ZNF573: variants seen among roughly 807,000 people sequenced by gnomAD.
ZNF573 encodes the protein zinc finger protein 573.
ZNF573 carries 41 observed loss-of-function variants against 57.4 expected under a neutral mutation model. The observed-to-expected ratio is 0.71, with a 90% CI of 0.56 to 0.93. The LOEUF is 0.93. Among genes scored for constraint, ZNF573 ranks in the 40% least tolerant of loss-of-function variants. The pLI is 0.00. For missense variants in ZNF573, 730 were observed against 794.8 expected (o/e 0.92, Z 0.98); for synonymous variants, 249 against 261.0 (o/e 0.95, Z 0.44).
chr19:37,768,236 T>C (rs2045619740), intron 4 of ZNF573, among the ~76,000 whole-genome samples: 1 of 152,184 alleles, frequency 6.6e-6, no homozygotes, highest in Non-Finnish European at 1.5e-5. Flanking sequence ...TTGAAAACAA[T>C]TACATCATTG....
chr19:37,763,119 GATCT>G (rs2045568239), intron 4 of ZNF573, among the ~76,000 whole-genome samples: 1 of 152,020 alleles, frequency 6.6e-6, no homozygotes, highest in African/African-American at 2.4e-5. Flanking sequence ...CTGCCGTGTG[GATCT>G]CATTTCCTAG....
At chr19:37,743,762 G>A (rs899213908) in intron 4 of ZNF573, among the ~76,000 whole-genome samples, 2 of 152,160 alleles carry the variant, frequency 1.3e-5, no homozygotes, top group African/African-American at 4.8e-5. Flanking sequence ...TGATAGACTG[G>A]ATAAAGAAAA....
At chr19:37,759,719 C>A (rs1380297502) in intron 4 of ZNF573, among the ~76,000 whole-genome samples, 1 of 151,880 alleles carries the variant, frequency 6.6e-6, no homozygotes, top group Admixed American at 6.6e-5. Flanking sequence ...CACAGCGAGA[C>A]TCTGTCTCAA....
intron 4 of ZNF573, among the ~76,000 whole-genome samples, chr19:37,755,939 A>C (rs2145301888): frequency 6.6e-6 from 1 of 152,318 alleles, no homozygotes; most frequent in African/African-American, 2.4e-5. Context: ...ACTTTTATAA[A>C]CCTTGTAAGA....
chr19:37,764,889 CACTGTGCCCG>C (rs1169038429), intron 4 of ZNF573, among the ~76,000 whole-genome samples: 2 of 150,688 alleles, frequency 1.3e-5, no homozygotes, highest in Non-Finnish European at 2.9e-5. Flanking sequence ...AGGCATGAGC[CACTGTGCCCG>C]GCCTTTTTTT....
intron 4 of ZNF573, among the ~76,000 whole-genome samples, chr19:37,750,168 C>T (rs1349708086): frequency 4.0e-5 from 6 of 151,898 alleles, no homozygotes; most frequent in African/African-American, 7.2e-5. Flanking sequence ...CCACAACCTC[C>T]GCCTCCTGGG....
chr19:37,748,181 G>T (rs752925473), intron 4 of ZNF573, among the ~76,000 whole-genome samples: 1 of 152,188 alleles, frequency 6.6e-6, no homozygotes, highest in Non-Finnish European at 1.5e-5. Flanking sequence ...CCCCTAACTG[G>T]ATGCATCTTG....
At chr19:37,750,783 A>G (rs1177369459) in intron 4 of ZNF573, among the ~76,000 whole-genome samples, 2 of 149,664 alleles carry the variant, frequency 1.3e-5, no homozygotes, top group Non-Finnish European at 3.0e-5. Flanking sequence ...GTGAGCCGAG[A>G]TCACACTACT....
intron 2 of ZNF573, 86 bp downstream of exon 2, chr19:37,773,575 T>G: frequency 9.4e-7 from 1 of 1,063,684 alleles, no homozygotes; most frequent in South Asian, 1.5e-5. Context: ...AAGGAGGCCT[T>G]CTTAAATAGG....
chr19:37,770,599 TACA>T (rs1449297254), intron 3 of ZNF573: 1 of 45,900 alleles, frequency 2.2e-5, no homozygotes, highest in Non-Finnish European at 3.8e-5. Context: ...ACCTCATCTC[TACA>T]AAAAAAAAAA....
At chr19:37,757,545 G>A (rs939694981) in intron 4 of ZNF573, among the ~76,000 whole-genome samples, 3 of 152,042 alleles carry the variant, frequency 2.0e-5, no homozygotes, top group Non-Finnish European at 2.9e-5. Context: ...CAATTAGTTC[G>A]CTCTGTTTTG....
At position 37,739,440 on chromosome 19, in the gene ZNF573, T is replaced by C; in HGVS notation, c.1050A>G (p.Arg350=). 2 of 1,614,120 alleles carry C rather than the reference T, an allele frequency of 1.2e-6. No homozygotes were observed. Among genetic ancestry groups the C allele is most frequent in the Non-Finnish European group, 1.7e-6 (2 of 1,180,014 alleles). The change falls in exon 5 of 5, where the codon AGA becomes AGG. Residue 350 remains arginine (R), a synonymous_variant. Transcript: ENST00000536220. The stretch of plus-strand genomic sequence containing the variant: ...CATAGGGTTTTCCACCTTTATGAAT[T>C]CTCTGATGTAGAAGAAAGTATGAGG... The part of the protein sequence containing the change: ...TTASYFLLHQ[R]IHKGGKPYEC...
chr19:37,749,592 C>T (rs2045414512), intron 4 of ZNF573, among the ~76,000 whole-genome samples: 1 of 151,786 alleles, frequency 6.6e-6, no homozygotes, highest in African/African-American at 2.4e-5. Context: ...CTGGAAAATG[C>T]AACAAATAAA....
intron 4 of ZNF573, among the ~76,000 whole-genome samples, chr19:37,762,356 T>C (rs1291838776): frequency 6.6e-6 from 1 of 152,178 alleles, no homozygotes; most frequent in African/African-American, 2.4e-5. Context: ...ACTGGGATAA[T>C]TGGGAGAAAT....
Position 37,771,582 on chromosome 19 carries a change from T to C in ZNF573, c.184A>G (p.Arg62Gly), listed in dbSNP as rs2045659376. Residue 62 changes from arginine (R) to glycine (G), a missense_variant, in exon 3 of 5, where the codon AGA becomes GGA. Coordinates refer to ENST00000536220, the MANE Select transcript of ZNF573 (RefSeq NM_001172690.2). ...LYRDVMLENYRNLVSLGGHSI... is the reference protein window; with the variant it reads ...LYRDVMLENYGNLVSLGGHSI... Reference sequence around the variant, plus strand: ...AACTTACCCAGTGATACCAGGTTTCTATAGTTCTCCAACATCACATCCCTG... The same window carrying C: ...AACTTACCCAGTGATACCAGGTTTCCATAGTTCTCCAACATCACATCCCTG... 1 of 1,609,972 alleles carries C rather than the reference T, an allele frequency of 6.2e-7. No individual in the cohort carries two copies. Among genetic ancestry groups the C allele is most frequent in the Non-Finnish European group, 8.5e-7 (1 of 1,178,326 alleles).
At chr19:37,761,313 T>C (rs2045551012) in intron 4 of ZNF573, among the ~76,000 whole-genome samples, 1 of 152,214 alleles carries the variant, frequency 6.6e-6, no homozygotes, top group Non-Finnish European at 1.5e-5. Context: ...ATTGTTTTCC[T>C]GGGACTCACA....
chr19:37,765,220 G>T (rs1279713952), intron 4 of ZNF573, among the ~76,000 whole-genome samples: 1 of 151,992 alleles, frequency 6.6e-6, no homozygotes. Context: ...TCTTTAACTG[G>T]TAAAAAGCCT....
chr19:37,740,525 C>G (rs753378698), intron 4 of ZNF573: 5 of 461,162 alleles, frequency 1.1e-5, no homozygotes, highest in Middle Eastern at 3.2e-4. Flanking sequence ...TATTTTGAAC[C>G]TATCACTGAT....
chr19:37,770,105 G>A lies in ZNF573; in HGVS notation c.203-8C>T. 6.5e-7 allele frequency: 1 copy of A among 1,533,332 alleles called. No individual in the cohort carries two copies. Among genetic ancestry groups the A allele is most frequent in the East Asian group, 2.5e-5 (1 of 40,598 alleles). The allele number at this position is 1,533,332 out of a possible 1,614,324, so 95.0% of individuals were successfully genotyped here. ...TAGAAATGGAATGTCCTCCTTATAA[G>A]AAAAGAAATGCCACATGGTATAAAA... On this transcript the variant is annotated splice_polypyrimidine_tract_variant and splice_region_variant and intron_variant, in intron 3 of 4. Coordinates refer to ENST00000536220, the MANE Select transcript of ZNF573 (RefSeq NM_001172690.2).
Sources: gnomAD v4.1 joint callset for allele counts (sites outside exome capture counted in the v4.1 genomes callset) on GRCh38, gnomAD v4.1.1 for gene constraint, MANE v1.5 for transcripts, NCBI Gene and HGNC (gene_info 2026-07-23, HGNC 2026-07-21) for gene names.